The following GPC4 variants were observed in gnomAD, a reference collection of about 807,000 sequenced individuals.
The protein encoded by GPC4 is glypican-4.
GPC4 carries 10 observed loss-of-function variants against 35.0 expected under a neutral mutation model. That is an observed-to-expected ratio of 0.29 (90% CI 0.18 to 0.48). GPC4 has a LOEUF of 0.48. Ranked by LOEUF, GPC4 falls within the 20% of genes least tolerant of loss-of-function variation. GPC4 has a pLI of 0.99. For missense variants in GPC4, 322 were observed against 451.3 expected (o/e 0.71, Z 2.60); for synonymous variants, 167 against 170.2 (o/e 0.98, Z 0.15).
chrX:133,414,485 G>A (rs1172480342), intron 1 of GPC4: 1 of 751,382 alleles, frequency 1.3e-6, no homozygotes, highest in African/African-American at 2.3e-5. Flanking sequence ...AGTCCTCAGG[G>A]GCTTCCCGGG....
intron 2 of GPC4, among the ~76,000 whole-genome samples, chrX:133,332,018 T>C (rs1431658676): frequency 1.8e-5 from 2 of 111,641 alleles, no homozygotes; most frequent in African/African-American, 6.5e-5. Flanking sequence ...TTCCCTTCAT[T>C]CTATTTAACC....
At chrX:133,342,238 T>C (rs2068470653) in intron 1 of GPC4, among the ~76,000 whole-genome samples, 1 of 109,570 alleles carries the variant, frequency 9.1e-6, no homozygotes. Flanking sequence ...GGTTTCACCA[T>C]GTTGGCTAGG....
chrX:133,303,954 G>GAAGGAAGGAAGC (rs1315046942), intron 7 of GPC4, among the ~76,000 whole-genome samples: 17 of 108,208 alleles, frequency 1.6e-4, no homozygotes, highest in Middle Eastern at 4.9e-3. Flanking sequence ...AGGAAGGAAG[G>GAAGGAAGGAAGC]AAGCTAGCTA....
intron 1 of GPC4, among the ~76,000 whole-genome samples, chrX:133,349,838 C>G (rs1603076182): frequency 9.0e-6 from 1 of 111,553 alleles, no homozygotes; most frequent in East Asian, 2.8e-4. Flanking sequence ...CCAGGCTGGT[C>G]TCGAACTCCT....
At chrX:133,414,751 C>T (rs1350825558) in intron 1 of GPC4, 55 bp downstream of exon 1, 1 of 1,172,305 alleles carries the variant, frequency 8.5e-7, no homozygotes, top group African/African-American at 1.7e-5. Context: ...GGAGTTGCAG[C>T]CTCCCTTCCC....
Position 133,354,730 on chromosome X carries a change from G to A in GPC4, c.161-15389C>T, listed in dbSNP as rs1050298854. 2.8e-5 allele frequency among the ~76,000 whole-genome samples: 3 copies of A among 106,106 alleles called. No individual in the cohort carries two copies. The East Asian group carries it at 8.8e-4, about 31-fold the overall frequency. The allele number at this position is 106,106 out of a possible 115,157, so 92.1% of individuals were successfully genotyped here. A position where few individuals can be genotyped will look rare whatever the true frequency, so the allele number is the denominator to read the frequency against. On this transcript the variant is annotated intron_variant, in intron 1 of 8. Transcript: ENST00000370828. ...ACTACAGGCGCCCGCCACCGCGCCC[G>A]GCTAATTTTTTGTATTTTTAGTAGA...
intron 1 of GPC4, among the ~76,000 whole-genome samples, chrX:133,411,783 T>C (rs2068814092): frequency 9.0e-6 from 1 of 110,888 alleles, no homozygotes; most frequent in African/African-American, 3.3e-5. Flanking sequence ...GTGTTAAAGA[T>C]CCCTTTTGAT....
At position 133,300,262 on chromosome X, in the gene GPC4, C is replaced by T. The variant is rs763955252; in HGVS notation, c.*2605G>A. 1.7e-4 allele frequency: 19 copies of T among 112,096 alleles called. No homozygotes were observed. Among genetic ancestry groups the T allele is most frequent in the East Asian group, 2.8e-4 (1 of 3,599 alleles). The allele number at this position is 112,096 out of a possible 1,213,427, so 9.2% of individuals were successfully genotyped here. ...TAATCAAAATAACAGGTGCTAGTTACGATTTTTGAAATAAAATATAAATCT... is the reference window on the plus strand; with the variant it reads ...TAATCAAAATAACAGGTGCTAGTTATGATTTTTGAAATAAAATATAAATCT... On this transcript the variant is annotated 3_prime_UTR_variant, in exon 9 of 9. Coordinates refer to ENST00000370828, the MANE Select transcript of GPC4 (RefSeq NM_001448.3).
chrX:133,401,799 A>G (rs1325841354), intron 1 of GPC4, among the ~76,000 whole-genome samples: 1 of 111,583 alleles, frequency 9.0e-6, no homozygotes, highest in Non-Finnish European at 1.9e-5. Context: ...GGGGGCATTT[A>G]ATTCAAATTC....
chrX:133,355,160 T>G (rs1320176687), intron 1 of GPC4, among the ~76,000 whole-genome samples: 2 of 112,174 alleles, frequency 1.8e-5, no homozygotes, highest in Non-Finnish European at 3.8e-5. Flanking sequence ...TTTTTATATA[T>G]GACAATTAAC....
chrX:133,392,191 C>A (rs186502637), intron 1 of GPC4, among the ~76,000 whole-genome samples: 64 of 107,130 alleles, frequency 6.0e-4, no homozygotes, highest in African/African-American at 2.0e-3. Flanking sequence ...CGAGATTGCA[C>A]CACTACACTC....
At chrX:133,385,391 G>A (rs1300124772) in intron 1 of GPC4, among the ~76,000 whole-genome samples, 5 of 112,174 alleles carry the variant, frequency 4.5e-5, no homozygotes, top group South Asian at 3.7e-4. Context: ...GTTAAACATC[G>A]GGAACAGTCA....
chrX:133,385,284 G>A (rs757951217), intron 1 of GPC4, among the ~76,000 whole-genome samples: 3 of 111,791 alleles, frequency 2.7e-5, no homozygotes, highest in East Asian at 5.6e-4. Context: ...CAATTTTTAT[G>A]GGTTGTCAGG....
chrX:133,363,905 TGTACATTTC>T (rs1188766311), intron 1 of GPC4, among the ~76,000 whole-genome samples: 2 of 112,131 alleles, frequency 1.8e-5, no homozygotes, highest in African/African-American at 6.5e-5. Context: ...TTGCCTATTT[TGTACATTTC>T]ACATAAAAAG....
chrX:133,316,101 T>A (rs1020061412), intron 3 of GPC4, among the ~76,000 whole-genome samples: 2 of 111,694 alleles, frequency 1.8e-5, no homozygotes, highest in African/African-American at 6.5e-5. Context: ...CAAGAGAAAA[T>A]TTTTCTGTTC....
chrX:133,315,495 T>C (rs2068334091), intron 3 of GPC4, among the ~76,000 whole-genome samples: 1 of 110,869 alleles, frequency 9.0e-6, no homozygotes, highest in African/African-American at 3.3e-5. Context: ...TCAGACTTTG[T>C]TCTGGGGCTT....
At chrX:133,324,037 T>C (rs1377438632) in intron 3 of GPC4, 108 bp downstream of exon 3, 6 of 867,858 alleles carry the variant, frequency 6.9e-6, no homozygotes, top group African/African-American at 4.1e-5. Flanking sequence ...AAGGCTGCCA[T>C]TGAACCAACA....
At chrX:133,344,658 A>C (rs2068484803) in intron 1 of GPC4, among the ~76,000 whole-genome samples, 1 of 111,645 alleles carries the variant, frequency 9.0e-6, no homozygotes, top group African/African-American at 3.3e-5. Flanking sequence ...GTAATAGAGG[A>C]ATACCGGTAG....
At chrX:133,379,240 C>T (rs1204758846) in intron 1 of GPC4, among the ~76,000 whole-genome samples, 1 of 112,392 alleles carries the variant, frequency 8.9e-6, no homozygotes, top group African/African-American at 3.2e-5. Context: ...TGTGTCCATA[C>T]AGTGCAATAT....
Sources: allele counts gnomAD v4.1 joint callset (sites outside exome capture counted in the v4.1 genomes callset), GRCh38; gene constraint gnomAD v4.1.1; transcripts MANE v1.5; gene names NCBI Gene and HGNC (gene_info 2026-07-23, HGNC 2026-07-21).